The following SRRM4 variants were observed in gnomAD, a reference collection of about 807,000 sequenced individuals.
SRRM4 encodes the protein serine/arginine repetitive matrix protein 4.
A neutral mutation model predicts 68.9 loss-of-function variants in SRRM4; 33 were observed. That is an observed-to-expected ratio of 0.48 (90% CI 0.36 to 0.64). The LOEUF is 0.64. Among genes scored for constraint, SRRM4 ranks in the 30% least tolerant of loss-of-function variants. The pLI, the probability that SRRM4 is intolerant of heterozygous loss-of-function variation, is 0.00. For synonymous variants in SRRM4, 318 were observed against 318.8 expected, an observed-to-expected ratio of 1.00 and a Z score of 0.03; for missense variants, 817 against 827.1, an observed-to-expected ratio of 0.99 and a Z score of 0.15.
intron 1 of SRRM4, among the ~76,000 whole-genome samples, chr12:119,053,920 C>T (rs968453638): frequency 6.6e-5 from 10 of 152,098 alleles, no homozygotes; most frequent in African/African-American, 2.4e-4. Context: ...TTAAAATGTA[C>T]CATTAGGTTA....
chr12:119,087,035 C>A (rs1592893149), intron 1 of SRRM4, among the ~76,000 whole-genome samples: 1 of 152,306 alleles, frequency 6.6e-6, no homozygotes, highest in Admixed American at 6.5e-5. Flanking sequence ...ATGGTGTCCA[C>A]CCCAAGAGGT....
chr12:119,121,328 C>T (rs921211587), intron 5 of SRRM4, among the ~76,000 whole-genome samples: 2 of 152,168 alleles, frequency 1.3e-5, no homozygotes, highest in Admixed American at 6.5e-5. Context: ...ACCAGTCTAG[C>T]TTAAACTACC....
chr12:119,025,674 C>A (rs567316844), intron 1 of SRRM4, among the ~76,000 whole-genome samples: 1 of 152,038 alleles, frequency 6.6e-6, no homozygotes, highest in South Asian at 2.1e-4. Context: ...AAACTCCCGA[C>A]CTCAGGTGAT....
At chr12:119,068,314 CA>C (rs1363545081) in intron 1 of SRRM4, among the ~76,000 whole-genome samples, 1 of 152,204 alleles carries the variant, frequency 6.6e-6, no homozygotes, top group Non-Finnish European at 1.5e-5. Flanking sequence ...AGTCACTGAA[CA>C]CCTGTTAGCT....
At chr12:119,005,852 G>A (rs1185553722) in intron 1 of SRRM4, among the ~76,000 whole-genome samples, 1 of 152,192 alleles carries the variant, frequency 6.6e-6, no homozygotes, top group East Asian at 1.9e-4. Context: ...ATTGATGGTT[G>A]AATTAGGATT....
Position 119,014,677 on chromosome 12 carries a change from A to G in SRRM4, c.131+32664A>G, listed in dbSNP as rs184067372. Among the ~76,000 whole-genome samples the G allele has an allele frequency of 2.0e-5, 3 of 152,286 alleles. No individual in the cohort carries two copies. The East Asian group carries it at 5.8e-4, about 29-fold the overall frequency. ...CTGCAATTTTTAAATTTAGGAAGGC[A>G]CAGGAAGTGAGGAGGTAAGAAGGGA... On this transcript the variant is annotated intron_variant, in intron 1 of 12. Coordinates refer to ENST00000267260, the MANE Select transcript of SRRM4 (RefSeq NM_194286.4).
At chr12:119,042,176 G>A (rs896756471) in intron 1 of SRRM4, among the ~76,000 whole-genome samples, 1 of 152,064 alleles carries the variant, frequency 6.6e-6, no homozygotes, top group Admixed American at 6.5e-5. Context: ...CAGGTCAGTG[G>A]TCTTTTCATC....
intron 1 of SRRM4, among the ~76,000 whole-genome samples, chr12:118,999,240 G>A (rs558269298): frequency 4.0e-4 from 61 of 152,278 alleles, no homozygotes; most frequent in African/African-American, 1.4e-3. Context: ...CCTGCACCTG[G>A]GGAGCTATTT....
chr12:118,987,309 A>G (rs1177755826), intron 1 of SRRM4, among the ~76,000 whole-genome samples: 1 of 152,176 alleles, frequency 6.6e-6, no homozygotes, highest in Non-Finnish European at 1.5e-5. Flanking sequence ...GTACTATGCC[A>G]GGGGCTACCC....
At chr12:119,005,968 G>A (rs1408011575) in intron 1 of SRRM4, among the ~76,000 whole-genome samples, 1 of 152,150 alleles carries the variant, frequency 6.6e-6, no homozygotes, top group East Asian at 1.9e-4. Context: ...CTTGCCAGAT[G>A]GGTCTCACAG....
At chr12:119,032,382 T>C (rs1043121728) in intron 1 of SRRM4, among the ~76,000 whole-genome samples, 1 of 152,234 alleles carries the variant, frequency 6.6e-6, no homozygotes, top group African/African-American at 2.4e-5. Context: ...TGGTGTTCTG[T>C]GTAATATATG....
At chr12:119,074,094 GC>G (rs1953894378) in intron 1 of SRRM4, among the ~76,000 whole-genome samples, 1 of 96,770 alleles carries the variant, frequency 1.0e-5, no homozygotes, top group African/African-American at 3.4e-5. Flanking sequence ...GGTGGTGATG[GC>G]AAGGGGTGGC....
chr12:118,986,945 G>C (rs1160481847), intron 1 of SRRM4, among the ~76,000 whole-genome samples: 1 of 151,926 alleles, frequency 6.6e-6, no homozygotes, highest in Non-Finnish European at 1.5e-5. Flanking sequence ...AGAGTGGCTG[G>C]ATTTACCTTC....
At chr12:119,080,507 T>C (rs1403096133) in intron 1 of SRRM4, among the ~76,000 whole-genome samples, 1 of 152,134 alleles carries the variant, frequency 6.6e-6, no homozygotes, top group African/African-American at 2.4e-5. Flanking sequence ...AAAGAGAAAC[T>C]CACAGATAGT....
At chr12:119,084,786 T>G (rs1234955527) in intron 1 of SRRM4, among the ~76,000 whole-genome samples, 1 of 152,148 alleles carries the variant, frequency 6.6e-6, no homozygotes, top group African/African-American at 2.4e-5. Flanking sequence ...ACAGGCTGAA[T>G]AGTCAGGGGA....
intron 1 of SRRM4, among the ~76,000 whole-genome samples, chr12:119,010,955 A>G (rs1953445231): frequency 6.6e-6 from 1 of 152,210 alleles, no homozygotes; most frequent in South Asian, 2.1e-4. Context: ...GTTATTTTAT[A>G]TAATACATGT....
chr12:119,044,005 T>C (rs1415288464), intron 1 of SRRM4, among the ~76,000 whole-genome samples: 1 of 152,208 alleles, frequency 6.6e-6, no homozygotes, highest in Non-Finnish European at 1.5e-5. Flanking sequence ...TAGCTGGGAT[T>C]ACAGCTGCCC....
chr12:119,040,493 C>G (rs959196279), intron 1 of SRRM4, among the ~76,000 whole-genome samples: 2 of 152,208 alleles, frequency 1.3e-5, no homozygotes, highest in African/African-American at 2.4e-5. Context: ...ATGATAGTCT[C>G]CAGTCTCATC....
At chr12:119,052,533 A>G (rs945265166) in intron 1 of SRRM4, among the ~76,000 whole-genome samples, 4 of 151,548 alleles carry the variant, frequency 2.6e-5, no homozygotes, top group African/African-American at 7.3e-5. Flanking sequence ...TTGTTTGTTT[A>G]TTTATTTATT....
Sources: gnomAD v4.1 joint callset for allele counts (sites outside exome capture counted in the v4.1 genomes callset) on GRCh38, gnomAD v4.1.1 for gene constraint, MANE v1.5 for transcripts, NCBI Gene and HGNC (gene_info 2026-07-23, HGNC 2026-07-21) for gene names.